EPHA4: variants seen among roughly 807,000 people sequenced by gnomAD.
EPHA4 encodes the protein ephrin type-A receptor 4.
EPHA4 carries 19 observed loss-of-function variants against 108.3 expected under a neutral mutation model. The observed-to-expected ratio is 0.18, with a 90% CI of 0.12 to 0.26. The LOEUF (loss-of-function observed/expected upper bound fraction) is 0.26. Ranked by LOEUF, EPHA4 falls within the 10% of genes least tolerant of loss-of-function variation. The pLI is 1.00. For synonymous variants in EPHA4, 449 were observed against 455.5 expected (o/e 0.99, Z 0.18); for missense variants, 917 against 1,254.0 (o/e 0.73, Z 4.06).
At chr2:221,474,446 A>C (rs1349181434) in intron 5 of EPHA4, among the ~76,000 whole-genome samples, 1 of 150,378 alleles carries the variant, frequency 6.6e-6, no homozygotes, top group Non-Finnish European at 1.5e-5. Flanking sequence ...AAAGTACCGC[A>C]TGTTGTTTTT....
At chr2:221,516,545 G>T (rs1222602827) in intron 3 of EPHA4, among the ~76,000 whole-genome samples, 2 of 152,050 alleles carry the variant, frequency 1.3e-5, no homozygotes, top group African/African-American at 4.8e-5. Context: ...AGTAGAAATG[G>T]GGTTTTACCA....
intron 3 of EPHA4, among the ~76,000 whole-genome samples, chr2:221,512,866 G>A (rs981623192): frequency 1.3e-5 from 2 of 152,196 alleles, no homozygotes; most frequent in Non-Finnish European, 2.9e-5. Context: ...CTGGGAATAT[G>A]AGGCTGTTCC....
chr2:221,520,790 C>T (rs960316146), intron 3 of EPHA4, among the ~76,000 whole-genome samples: 2 of 152,188 alleles, frequency 1.3e-5, no homozygotes, highest in African/African-American at 4.8e-5. Context: ...AATCATCAAT[C>T]ATTCTTGAAA....
intron 3 of EPHA4, among the ~76,000 whole-genome samples, chr2:221,527,033 A>G (rs923683725): frequency 6.6e-6 from 1 of 151,592 alleles, no homozygotes; most frequent in African/African-American, 2.4e-5. Flanking sequence ...AGGCTAAGGC[A>G]GGAGAATGGC....
chr2:221,422,835 T>G (rs1175126712), intron 17 of EPHA4, among the ~76,000 whole-genome samples: 1 of 152,244 alleles, frequency 6.6e-6, no homozygotes, highest in Non-Finnish European at 1.5e-5. Flanking sequence ...AATAGAATTT[T>G]ACTTTTGTAT....
chr2:221,474,729 C>T (rs1691606894), intron 5 of EPHA4, among the ~76,000 whole-genome samples: 1 of 152,144 alleles, frequency 6.6e-6, no homozygotes, highest in Non-Finnish European at 1.5e-5. Context: ...AGGAGTTCTT[C>T]ATTTTCTCGA....
At position 221,563,546 on chromosome 2, in the gene EPHA4, T is replaced by TAGA. The variant is rs1694529249; in HGVS notation, c.823+184_823+185insTCT. On this transcript the variant is annotated intron_variant, in intron 3 of 17. Coordinates refer to ENST00000281821, the MANE Select transcript of EPHA4 (RefSeq NM_004438.5). ...TGCTGATTACAGCAGCATCATTTAT[T>TAGA]TTGTCAGTATTAGAAACGTCTTAGC... is the stretch of plus-strand genomic sequence containing the variant. Among the ~76,000 whole-genome samples the TAGA allele has an allele frequency of 3.3e-5, 5 of 152,344 alleles. No individual in the cohort carries two copies. In the South Asian group the frequency reaches 6.2e-4, roughly 19 times the overall value.
intron 4 of EPHA4, among the ~76,000 whole-genome samples, chr2:221,495,013 A>C (rs570788796): frequency 4.6e-5 from 7 of 152,124 alleles, no homozygotes; most frequent in Admixed American, 2.0e-4. Flanking sequence ...AAAAAAAAAA[A>C]AAAAAAAAAA....
chr2:221,472,458 A>C (rs553165236), intron 5 of EPHA4, among the ~76,000 whole-genome samples: 1 of 152,134 alleles, frequency 6.6e-6, no homozygotes, highest in Non-Finnish European at 1.5e-5. Flanking sequence ...CTTGGAACAC[A>C]CTGTGAGTCT....
intron 3 of EPHA4, among the ~76,000 whole-genome samples, chr2:221,524,064 A>G (rs1693251209): frequency 6.6e-6 from 1 of 152,234 alleles, no homozygotes; most frequent in African/African-American, 2.4e-5. Context: ...AAAATGACAT[A>G]TATTCCAATG....
At chr2:221,427,308 T>C (rs1689943609) in intron 15 of EPHA4, among the ~76,000 whole-genome samples, 1 of 152,206 alleles carries the variant, frequency 6.6e-6, no homozygotes, top group African/African-American at 2.4e-5. Context: ...TGAATAATGA[T>C]TTCAACAAAT....
chr2:221,557,333 T>C (rs1694334987), intron 3 of EPHA4, among the ~76,000 whole-genome samples: 1 of 152,150 alleles, frequency 6.6e-6, no homozygotes, highest in Non-Finnish European at 1.5e-5. Context: ...AATGAAATGG[T>C]TTCTTTGTTG....
upstream of EPHA4, chr2:221,572,370 G>T (rs1694872900): frequency 8.5e-6 from 7 of 826,024 alleles, no homozygotes; most frequent in South Asian, 4.9e-5. Flanking sequence ...ACGTGAGCCC[G>T]CCAGTCCGGG....
chr2:221,443,708 T>C, intron 9 of EPHA4, 102 bp from the exon 10 acceptor site: 2 of 801,502 alleles, frequency 2.5e-6, no homozygotes, highest in South Asian at 1.7e-5. Flanking sequence ...AAAGTCAAGT[T>C]AGCTGTACGG....
chr2:221,461,834 C>G (rs1691153294), intron 5 of EPHA4, among the ~76,000 whole-genome samples: 1 of 152,166 alleles, frequency 6.6e-6, no homozygotes, highest in Middle Eastern at 3.2e-3. Flanking sequence ...ACGATTCCTA[C>G]TGCCCCTCTT....
At chr2:221,522,749 A>T (rs1393937893) in intron 3 of EPHA4, among the ~76,000 whole-genome samples, 2 of 33,358 alleles carry the variant, frequency 6.0e-5, no homozygotes, top group East Asian at 5.5e-4. Context: ...TATTATTATT[A>T]TTATTATTAT....
At chr2:221,479,055 C>T (rs934680552) in intron 5 of EPHA4, among the ~76,000 whole-genome samples, 20 of 152,212 alleles carry the variant, frequency 1.3e-4, no homozygotes, top group African/African-American at 4.6e-4. Context: ...CAGGCCCATT[C>T]ACACCACATT....
chr2:221,503,544 TTTTTTCCTA>T (rs1352627600), intron 3 of EPHA4, among the ~76,000 whole-genome samples: 2 of 152,234 alleles, frequency 1.3e-5, no homozygotes, highest in Non-Finnish European at 2.9e-5. Context: ...CAAGTTTACA[TTTTTTCCTA>T]TTTTTCCTCG....
chr2:221,452,359 G>A (rs74661071), intron 8 of EPHA4, among the ~76,000 whole-genome samples: 122 of 152,294 alleles, frequency 8.0e-4, no homozygotes, highest in Non-Finnish European at 1.5e-3. Flanking sequence ...AGATTATTTC[G>A]CCAGTACCAT....
Sources: allele counts gnomAD v4.1 joint callset (sites outside exome capture counted in the v4.1 genomes callset), GRCh38; gene constraint gnomAD v4.1.1; transcripts MANE v1.5; gene names NCBI Gene and HGNC (gene_info 2026-07-23, HGNC 2026-07-21).